Variants in CNTNAP2 observed in about 807,000 individuals in gnomAD.
The protein encoded by CNTNAP2 is contactin-associated protein-like 2.
In CNTNAP2, 98 loss-of-function variants were observed where a neutral mutation model predicts 155.2. That is an observed-to-expected ratio of 0.63 (90% CI 0.54 to 0.75). The LOEUF is 0.75. Among genes scored for constraint, CNTNAP2 ranks in the 30% least tolerant of loss-of-function variants. CNTNAP2 has a pLI of 0.00. For missense variants in CNTNAP2, 1,727 were observed against 1,688.1 expected (o/e 1.02, Z -0.40); for synonymous variants, 651 against 631.2 (o/e 1.03, Z -0.47).
intron 1 of CNTNAP2, among the ~76,000 whole-genome samples, chr7:146,618,484 G>C (rs1240972155): frequency 6.6e-6 from 1 of 152,066 alleles, no homozygotes; most frequent in Non-Finnish European, 1.5e-5. Flanking sequence ...TCTAAGAGAG[G>C]AATATTGCCA....
chr7:146,312,807 G>C (rs78562291), intron 1 of CNTNAP2, among the ~76,000 whole-genome samples: 1 of 152,066 alleles, frequency 6.6e-6, no homozygotes, highest in African/African-American at 2.4e-5. Flanking sequence ...AGATCATACC[G>C]TATTTGTCTT....
intron 8 of CNTNAP2, among the ~76,000 whole-genome samples, chr7:147,291,245 C>T (rs1917601): frequency 0.76 from 115,868 of 151,880 alleles, 45,162 homozygotes; most frequent in African/African-American, 0.94. Flanking sequence ...GGTGGTTTGC[C>T]GCACCTATCA....
intron 8 of CNTNAP2, among the ~76,000 whole-genome samples, chr7:147,233,929 C>T (rs973206617): frequency 6.6e-6 from 1 of 151,146 alleles, no homozygotes; most frequent in Non-Finnish European, 1.5e-5. Context: ...TTTATTACAT[C>T]TCTTTGTAAT....
intron 3 of CNTNAP2, among the ~76,000 whole-genome samples, chr7:146,870,158 C>T (rs549900463): frequency 1.3e-5 from 2 of 151,518 alleles, no homozygotes; most frequent in African/African-American, 2.4e-5. Flanking sequence ...GGAATGGTAC[C>T]GGCTCTTCTT....
chr7:146,706,284 C>A (rs1800963620), intron 1 of CNTNAP2, among the ~76,000 whole-genome samples: 1 of 152,168 alleles, frequency 6.6e-6, no homozygotes, highest in East Asian at 1.9e-4. Context: ...GCAAACTGAA[C>A]AGAAATGGGT....
intron 1 of CNTNAP2, among the ~76,000 whole-genome samples, chr7:146,483,304 T>TACAC (rs1458585540): frequency 3.8e-5 from 4 of 105,254 alleles, no homozygotes; most frequent in African/African-American, 8.0e-5. Context: ...TATATATATA[T>TACAC]ATATATATAT....
intron 17 of CNTNAP2, among the ~76,000 whole-genome samples, chr7:148,167,618 T>G (rs994610248): frequency 6.6e-6 from 1 of 152,152 alleles, no homozygotes; most frequent in Non-Finnish European, 1.5e-5. Context: ...AGGGAGAGCC[T>G]GTGAACCGTG....
intron 3 of CNTNAP2, among the ~76,000 whole-genome samples, chr7:146,972,449 A>G (rs1797821482): frequency 6.6e-6 from 1 of 152,194 alleles, no homozygotes; most frequent in South Asian, 2.1e-4. Context: ...ATTTTCAAGT[A>G]TGTTATATGT....
chr7:146,714,797 C>A (rs939924468), intron 1 of CNTNAP2, among the ~76,000 whole-genome samples: 8 of 152,016 alleles, frequency 5.3e-5, no homozygotes, highest in African/African-American at 1.9e-4. Flanking sequence ...AACAATATTC[C>A]TTCAAAATAA....
At chr7:147,483,028 T>A (rs1798450794) in intron 10 of CNTNAP2, among the ~76,000 whole-genome samples, 1 of 151,818 alleles carries the variant, frequency 6.6e-6, no homozygotes, top group Non-Finnish European at 1.5e-5. Context: ...CCTGGGTGAC[T>A]CTGTCTCAAA....
At chr7:147,367,818 C>G (rs1002749702) in intron 9 of CNTNAP2, among the ~76,000 whole-genome samples, 6 of 151,908 alleles carry the variant, frequency 3.9e-5, no homozygotes, top group Non-Finnish European at 7.4e-5. Context: ...TTATGAGAAG[C>G]CTGAAAAGTG....
chr7:146,329,509 G>C (rs1244230656), intron 1 of CNTNAP2, among the ~76,000 whole-genome samples: 1 of 152,160 alleles, frequency 6.6e-6, no homozygotes, highest in African/African-American at 2.4e-5. Context: ...GAGTCCAGCA[G>C]AAGTCTTGCA....
chr7:146,744,912 T>C (rs1440072551), intron 1 of CNTNAP2, among the ~76,000 whole-genome samples: 3 of 152,322 alleles, frequency 2.0e-5, no homozygotes, highest in Admixed American at 6.5e-5. Flanking sequence ...ATATATCCTC[T>C]AAGTAGAATA....
chr7:147,400,346 C>T (rs996074776), intron 10 of CNTNAP2, among the ~76,000 whole-genome samples: 1 of 152,130 alleles, frequency 6.6e-6, no homozygotes, highest in Admixed American at 6.6e-5. Flanking sequence ...AATTCCTAAA[C>T]TCGGAGACTC....
At chr7:147,417,341 G>C (rs1797211867) in intron 10 of CNTNAP2, among the ~76,000 whole-genome samples, 2 of 152,170 alleles carry the variant, frequency 1.3e-5, no homozygotes, top group South Asian at 2.1e-4. Flanking sequence ...TCTGGTGAAG[G>C]CTTGCTTCCC....
chr7:146,330,533 C>T (rs1801168386), intron 1 of CNTNAP2, among the ~76,000 whole-genome samples: 2 of 152,084 alleles, frequency 1.3e-5, no homozygotes, highest in South Asian at 4.1e-4. Flanking sequence ...AAGTATGATA[C>T]AAGGACAGAG....
chr7:148,193,978 T>C (rs1471181186), intron 18 of CNTNAP2, among the ~76,000 whole-genome samples: 1 of 151,412 alleles, frequency 6.6e-6, no homozygotes, highest in African/African-American at 2.4e-5. Context: ...TGCCTTTTTT[T>C]TTTTTTAACT....
chr7:147,327,676 A>C (rs1295755529), intron 9 of CNTNAP2, among the ~76,000 whole-genome samples: 1 of 152,112 alleles, frequency 6.6e-6, no homozygotes, highest in African/African-American at 2.4e-5. Flanking sequence ...GACTTTCCTC[A>C]TGTTATTTAT....
intron 13 of CNTNAP2, among the ~76,000 whole-genome samples, chr7:147,856,282 A>G (rs1035568031): frequency 6.6e-6 from 1 of 152,154 alleles, no homozygotes; most frequent in African/African-American, 2.4e-5. Flanking sequence ...GACTCACTAC[A>G]TGAGCATTTT....
Sources: gnomAD v4.1 joint callset for allele counts (sites outside exome capture counted in the v4.1 genomes callset) on GRCh38, gnomAD v4.1.1 for gene constraint, MANE v1.5 for transcripts, NCBI Gene and HGNC (gene_info 2026-07-23, HGNC 2026-07-21) for gene names.